CDH2: variants seen among roughly 807,000 people sequenced by gnomAD.
CDH2 encodes cadherin 2.
A neutral mutation model predicts 92.0 loss-of-function variants in CDH2; 17 were observed. That is an observed-to-expected ratio of 0.18 (90% CI 0.13 to 0.28). CDH2 has a LOEUF of 0.28. Among genes scored for constraint, CDH2 ranks in the 10% least tolerant of loss-of-function variants. The pLI is 1.00. For synonymous variants in CDH2, 419 were observed against 415.9 expected (o/e 1.01, Z -0.09); for missense variants, 862 against 1,133.1 (o/e 0.76, Z 3.44).
At chr18:28,004,979 G>A (rs1295367995) in intron 6 of CDH2, among the ~76,000 whole-genome samples, 1 of 152,030 alleles carries the variant, frequency 6.6e-6, no homozygotes, top group African/African-American at 2.4e-5. Flanking sequence ...CAATGACAAA[G>A]GTATTATGCA....
At chr18:28,151,799 G>T (rs780510821) in intron 1 of CDH2, among the ~76,000 whole-genome samples, 13 of 152,172 alleles carry the variant, frequency 8.5e-5, no homozygotes, top group Admixed American at 2.6e-4. Flanking sequence ...GCATGGGTTG[G>T]CAAGCTTTTT....
At chr18:27,978,826 AT>A (rs138815821) in intron 14 of CDH2, among the ~76,000 whole-genome samples, 93 of 146,962 alleles carry the variant, frequency 6.3e-4, no homozygotes, top group Middle Eastern at 3.6e-3. Flanking sequence ...TTAATTAACA[AT>A]TTTTTTTTTT....
rs763536133 is a variant in CDH2 at position 28,173,709 on chromosome 18, G to A, written c.60+3254C>T. Among the ~76,000 whole-genome samples, 245 of 152,078 alleles carry A rather than the reference G, an allele frequency of 1.6e-3. 1 individual carries two copies. The highest frequency in any genetic ancestry group is 8.1e-4 in the Non-Finnish European group (55 of 67,972). On this transcript the variant is annotated intron_variant, in intron 1 of 15. Transcript: ENST00000269141. Reference sequence around the variant, plus strand: ...TAGATGCCCCATAACCCATACAAACGTATTTAAATTAGAACAATGGGGTTA... The same window carrying A: ...TAGATGCCCCATAACCCATACAAACATATTTAAATTAGAACAATGGGGTTA...
At chr18:28,085,734 T>C (rs2014914602) in intron 2 of CDH2, among the ~76,000 whole-genome samples, 1 of 152,180 alleles carries the variant, frequency 6.6e-6, no homozygotes, top group South Asian at 2.1e-4. Context: ...TCCCATACTC[T>C]ATATTCCTAT....
intron 11 of CDH2, among the ~76,000 whole-genome samples, chr18:27,986,227 A>T (rs1449462585): frequency 6.6e-6 from 1 of 152,230 alleles, no homozygotes; most frequent in African/African-American, 2.4e-5. Context: ...GCAACAGTCT[A>T]CAGACAAGTG....
intron 2 of CDH2, among the ~76,000 whole-genome samples, chr18:28,104,692 A>ATATC (rs5823586): frequency 0.46 from 67,758 of 148,310 alleles, 15,558 homozygotes; most frequent in South Asian, 0.53. Flanking sequence ...ATGCAAATAC[A>ATATC]TATCTATCTA....
At chr18:28,072,282 CACA>C (rs767569591) in intron 2 of CDH2, among the ~76,000 whole-genome samples, 5 of 152,046 alleles carry the variant, frequency 3.3e-5, no homozygotes, top group Non-Finnish European at 5.9e-5. Context: ...CCTACCTGTC[CACA>C]ACACTAGCCT....
chr18:28,086,720 G>A (rs1424496450), intron 2 of CDH2, among the ~76,000 whole-genome samples: 5 of 147,692 alleles, frequency 3.4e-5, no homozygotes, highest in South Asian at 2.2e-4. Flanking sequence ...CTCAGTTTCA[G>A]CCTATGCTCT....
chr18:27,970,479 G>T (rs1032025034), intron 14 of CDH2, among the ~76,000 whole-genome samples: 1 of 152,180 alleles, frequency 6.6e-6, no homozygotes, highest in Non-Finnish European at 1.5e-5. Context: ...CCTAGTTTAT[G>T]ACACATCATT....
At chr18:28,163,304 T>C (rs1045111563) in intron 1 of CDH2, among the ~76,000 whole-genome samples, 13 of 152,210 alleles carry the variant, frequency 8.5e-5, no homozygotes, top group African/African-American at 3.1e-4. Flanking sequence ...CAATCTTGCA[T>C]TAGCTGGTAA....
chr18:28,023,507 G>A (rs1471339297), intron 2 of CDH2, among the ~76,000 whole-genome samples: 1 of 138 alleles, frequency 7.2e-3, no homozygotes, highest in East Asian at 9.3e-3. Flanking sequence ...TTATTTTTTA[G>A]TAGGACAGGG....
intron 2 of CDH2, chr18:28,097,080 ACT>A (rs1348080645): frequency 6.6e-6 from 1 of 152,104 alleles, no homozygotes; most frequent in African/African-American, 2.4e-5. Context: ...TTTCCAGTAC[ACT>A]CTGCTTAGAG....
chr18:27,960,598 T>A (rs2011375704), intron 15 of CDH2, among the ~76,000 whole-genome samples: 2 of 152,174 alleles, frequency 1.3e-5, no homozygotes, highest in African/African-American at 4.8e-5. Context: ...AGCAACAAAG[T>A]AGGGTATACA....
chr18:28,094,845 T>C (rs1294959727), intron 2 of CDH2, among the ~76,000 whole-genome samples: 1 of 144,058 alleles, frequency 6.9e-6, no homozygotes. Context: ...CCACTCTAAA[T>C]GCTACCTTTC....
chr18:28,012,297 T>G (rs1271524713), intron 3 of CDH2, among the ~76,000 whole-genome samples: 1 of 152,200 alleles, frequency 6.6e-6, no homozygotes, highest in African/African-American at 2.4e-5. Flanking sequence ...AATTTAATAG[T>G]ACCCTTTTAT....
At chr18:28,090,053 A>T (rs2015007626) in intron 2 of CDH2, among the ~76,000 whole-genome samples, 1 of 152,262 alleles carries the variant, frequency 6.6e-6, no homozygotes, top group African/African-American at 2.4e-5. Context: ...TGGATGCCAC[A>T]GATGTCAAAG....
intron 2 of CDH2, among the ~76,000 whole-genome samples, chr18:28,072,440 C>T (rs1384726140): frequency 6.6e-6 from 1 of 152,118 alleles, no homozygotes; most frequent in Non-Finnish European, 1.5e-5. Context: ...CCGGAAGATC[C>T]CACCTGGCAT....
At chr18:27,937,501 A>T (rs1157669056) in intron 6 of CDH2, among the ~76,000 whole-genome samples, 5 of 152,212 alleles carry the variant, frequency 3.3e-5, no homozygotes, top group Non-Finnish European at 4.4e-5. Flanking sequence ...TTGTTATGAC[A>T]TTAGGCTAAT....
intron 7 of CDH2, among the ~76,000 whole-genome samples, chr18:27,997,360 C>T (rs1281736062): frequency 2.0e-5 from 3 of 152,190 alleles, no homozygotes; most frequent in Admixed American, 1.3e-4. Flanking sequence ...AAACGAGATA[C>T]AGCCTTGCTT....
Sources: gnomAD v4.1 joint callset for allele counts (sites outside exome capture counted in the v4.1 genomes callset) on GRCh38, gnomAD v4.1.1 for gene constraint, MANE v1.5 for transcripts, NCBI Gene and HGNC (gene_info 2026-07-23, HGNC 2026-07-21) for gene names.